The following SASH1 variants were observed in gnomAD, a reference collection of about 807,000 sequenced individuals.
SASH1 encodes SAM and SH3 domain containing 1.
In SASH1, 44 loss-of-function variants were observed where a neutral mutation model predicts 125.2. The ratio of observed to expected loss-of-function variants is 0.35; its 90% CI spans 0.28 to 0.45. The LOEUF (loss-of-function observed/expected upper bound fraction) is 0.45. Among genes scored for constraint, SASH1 ranks in the 20% least tolerant of loss-of-function variants. The probability of loss-of-function intolerance (pLI) is 1.00; values close to 1 mark genes in which losing one functional copy is unlikely to be tolerated. For synonymous variants in SASH1, 639 were observed against 649.1 expected, an observed-to-expected ratio of 0.98 and a Z score of 0.24; for missense variants, 1,426 against 1,614.5, an observed-to-expected ratio of 0.88 and a Z score of 2.00.
intron 2 of SASH1, among the ~76,000 whole-genome samples, chr6:148,391,223 C>A (rs1783709567): frequency 6.6e-6 from 1 of 151,880 alleles, no homozygotes; most frequent in Admixed American, 6.6e-5. Flanking sequence ...GATTCTCCTG[C>A]CTCAGCCTCC....
chr6:148,510,507 G>A (rs1176232902), intron 8 of SASH1, among the ~76,000 whole-genome samples: 1 of 152,144 alleles, frequency 6.6e-6, no homozygotes, highest in Non-Finnish European at 1.5e-5. Flanking sequence ...CTATAACAGT[G>A]CTGAACCTAT....
the SASH1 span, among the ~76,000 whole-genome samples, chr6:148,250,392 G>C: frequency 6.6e-6 from 1 of 151,922 alleles, no homozygotes; most frequent in African/African-American, 2.4e-5. Flanking sequence ...ATTAGAAATC[G>C]TACTCTCAGA....
intron 12 of SASH1, among the ~76,000 whole-genome samples, chr6:148,530,317 G>A (rs568647482): frequency 3.3e-5 from 5 of 152,102 alleles, no homozygotes; most frequent in Admixed American, 6.5e-5. Flanking sequence ...TTCAAACTGC[G>A]TGCTTTTTTC....
the SASH1 span, among the ~76,000 whole-genome samples, chr6:148,223,583 C>T: frequency 6.6e-6 from 1 of 152,070 alleles, no homozygotes; most frequent in African/African-American, 2.4e-5. Context: ...CTCATGTAAC[C>T]CACCCATTTT....
intron 8 of SASH1, among the ~76,000 whole-genome samples, chr6:148,501,067 A>G (rs1400449162): frequency 1.3e-5 from 2 of 151,798 alleles, no homozygotes; most frequent in Non-Finnish European, 2.9e-5. Flanking sequence ...AGGAGGTAAC[A>G]TTGGACCCTC....
chr6:148,265,239 G>A, the SASH1 span, among the ~76,000 whole-genome samples: 1 of 151,486 alleles, frequency 6.6e-6, no homozygotes, highest in Admixed American at 6.6e-5. Context: ...GAGCCCAGCA[G>A]TTCAAGGCTA....
At chr6:148,494,089 A>C (rs1303707719) in intron 8 of SASH1, among the ~76,000 whole-genome samples, 1 of 152,152 alleles carries the variant, frequency 6.6e-6, no homozygotes, top group East Asian at 1.9e-4. Context: ...TAAGTTGTAA[A>C]TCATGGTTTT....
chr6:148,508,078 A>T (rs11155573), intron 8 of SASH1, among the ~76,000 whole-genome samples: 8,997 of 152,248 alleles, frequency 0.059, 621 homozygotes, highest in East Asian at 0.37. Context: ...TCTAGAATGC[A>T]GGAGAACTCG....
At chr6:148,418,944 T>G (rs1358027524) in intron 2 of SASH1, among the ~76,000 whole-genome samples, 4 of 152,172 alleles carry the variant, frequency 2.6e-5, no homozygotes, top group Non-Finnish European at 5.9e-5. Flanking sequence ...TCCCCAAGAT[T>G]GAATCTTCCT....
intron 1 of SASH1, among the ~76,000 whole-genome samples, chr6:148,334,401 C>T (rs1781088280): frequency 7.7e-6 from 1 of 130,434 alleles, no homozygotes; most frequent in African/African-American, 2.9e-5. Flanking sequence ...GCACTCCCGC[C>T]TGGGCCACAG....
At chr6:148,291,996 G>C (rs1302856878) in intron 1 of SASH1, among the ~76,000 whole-genome samples, 2 of 152,150 alleles carry the variant, frequency 1.3e-5, no homozygotes, top group African/African-American at 2.4e-5. Context: ...TCCTGAGAAA[G>C]AGTGGCTAGC....
chr6:148,327,287 CTTT>C (rs757257278), intron 1 of SASH1, among the ~76,000 whole-genome samples: 4 of 140,900 alleles, frequency 2.8e-5, no homozygotes, highest in Admixed American at 7.2e-5. Flanking sequence ...ATATAAATTT[CTTT>C]TTTTTTTTTT....
At chr6:148,438,513 G>A (rs1776390577) in intron 2 of SASH1, among the ~76,000 whole-genome samples, 1 of 152,124 alleles carries the variant, frequency 6.6e-6, no homozygotes, top group South Asian at 2.1e-4. Context: ...CGGCAGCAAT[G>A]AAAACCAGGA....
Position 148,456,873 on chromosome 6 carries a change from CAATAATAATAAT to C in SASH1, c.387-11655_387-11644del, listed in dbSNP as rs56067798. On this transcript the variant is annotated intron_variant, in intron 4 of 19. Coordinates refer to ENST00000367467, the MANE Select transcript of SASH1 (RefSeq NM_015278.5). ...GAGTGAGACCCAGAGTGTCTCATAACAATAATAATAATAATAATAATAATAATATAATGTAAA... is the reference window on the plus strand; with the variant it reads ...GAGTGAGACCCAGAGTGTCTCATAACAATAATAATAATAATATAATGTAAA... Among the ~76,000 whole-genome samples, 3 of 142,310 alleles carry C rather than the reference CAATAATAATAAT, an allele frequency of 2.1e-5. 1 individual carries two copies. Among genetic ancestry groups the C allele is most frequent in the African/African-American group, 7.7e-5 (3 of 38,948 alleles). 93.4% of individuals were successfully genotyped at this position (142,310 alleles called of 152,430 possible). A position where few individuals can be genotyped will look rare whatever the true frequency, so the allele number is the denominator to read the frequency against.
At chr6:148,443,320 C>T (rs1029866784) in intron 4 of SASH1, among the ~76,000 whole-genome samples, 22 of 150,220 alleles carry the variant, frequency 1.5e-4, no homozygotes, top group African/African-American at 4.9e-4. Flanking sequence ...TGCATTATAT[C>T]GGGGGCCCGT....
chr6:148,268,560 A>C (rs539213470), upstream of SASH1, among the ~76,000 whole-genome samples: 1 of 152,370 alleles, frequency 6.6e-6, no homozygotes, highest in East Asian at 1.9e-4. Flanking sequence ...TCAAACTGAC[A>C]GAATGGTTGG....
chr6:148,551,928 G>C lies in SASH1; in HGVS notation c.*3370G>C, dbSNP rs2115485883. 1 of 152,728 alleles carries C rather than the reference G, an allele frequency of 6.5e-6. No homozygotes were observed. Among genetic ancestry groups the C allele is most frequent in the Admixed American group, 6.5e-5 (1 of 15,302 alleles). The allele number at this position is 152,728 out of a possible 1,614,324, so 9.5% of individuals were successfully genotyped here. On this transcript the variant is annotated 3_prime_UTR_variant, in exon 20 of 20. Coordinates refer to ENST00000367467, the MANE Select transcript of SASH1 (RefSeq NM_015278.5). ...TTTTAAAAATTGTAAAAATTATTGTGATGATTCATTTAGCATAAAGAGAGG... is the reference window on the plus strand; with the variant it reads ...TTTTAAAAATTGTAAAAATTATTGTCATGATTCATTTAGCATAAAGAGAGG...
At chr6:148,374,646 A>G (rs888202806) in intron 1 of SASH1, among the ~76,000 whole-genome samples, 3 of 150,238 alleles carry the variant, frequency 2.0e-5, no homozygotes. Flanking sequence ...CTTCCAAGAT[A>G]TTGTTCTTTT....
intron 1 of SASH1, among the ~76,000 whole-genome samples, chr6:148,294,146 C>T (rs1582926579): frequency 6.6e-6 from 1 of 152,324 alleles, no homozygotes; most frequent in East Asian, 1.9e-4. Context: ...TTGCACATTT[C>T]TAAAGAGGCG....
Sources: gnomAD v4.1 joint callset for allele counts (sites outside exome capture counted in the v4.1 genomes callset) on GRCh38, gnomAD v4.1.1 for gene constraint, MANE v1.5 for transcripts, NCBI Gene and HGNC (gene_info 2026-07-23, HGNC 2026-07-21) for gene names.